Variants in ITGA11 observed in about 807,000 individuals in gnomAD.
ITGA11 encodes the protein integrin subunit alpha 11.
Under a neutral mutation model 141.9 loss-of-function variants are expected in ITGA11, and 97 were observed. That is an observed-to-expected ratio of 0.68 (90% CI 0.58 to 0.81). The LOEUF (loss-of-function observed/expected upper bound fraction) is 0.81, where lower values mean the gene tolerates loss of function less well. Ranked by LOEUF, ITGA11 falls within the 30% of genes least tolerant of loss-of-function variation. The probability of loss-of-function intolerance (pLI) is 0.00; values close to 1 mark genes in which losing one functional copy is unlikely to be tolerated. For missense variants in ITGA11, 1,387 were observed against 1,559.2 expected (o/e 0.89, Z 1.86); for synonymous variants, 658 against 624.6 (o/e 1.05, Z -0.80).
intron 1 of ITGA11, among the ~76,000 whole-genome samples, chr15:68,426,939 T>C (rs1013502299): frequency 5.1e-5 from 7 of 136,914 alleles, no homozygotes; most frequent in Non-Finnish European, 1.1e-4. Context: ...CACTTGAACC[T>C]GGGAGGTGGA....
intron 11 of ITGA11, among the ~76,000 whole-genome samples, chr15:68,338,046 A>T (rs757196389): frequency 1.3e-5 from 2 of 152,120 alleles, no homozygotes; most frequent in Non-Finnish European, 2.9e-5. Flanking sequence ...AATTAACCTC[A>T]TGGGCCCTGG....
chr15:68,352,540 CACTT>C (rs1415707548), intron 7 of ITGA11, among the ~76,000 whole-genome samples: 1 of 152,118 alleles, frequency 6.6e-6, no homozygotes, highest in African/African-American at 2.4e-5. Context: ...AGTTGAGACT[CACTT>C]TCTTTAGTAC....
chr15:68,365,745 CTTTTT>C (rs376318476), intron 3 of ITGA11, among the ~76,000 whole-genome samples: 3 of 150,392 alleles, frequency 2.0e-5, no homozygotes, highest in Non-Finnish European at 3.0e-5. Context: ...CTTTTCTTTT[CTTTTT>C]TTTGAGGCAG....
At chr15:68,359,213 C>T (rs556943337) in intron 5 of ITGA11, among the ~76,000 whole-genome samples, 1 of 152,246 alleles carries the variant, frequency 6.6e-6, no homozygotes, top group Admixed American at 6.5e-5. Flanking sequence ...CTGAACTGAT[C>T]ATGGTTTCAC....
rs751083235 is a variant in ITGA11 at position 68,365,285 on chromosome 15, G to C, written c.266-487C>G. On this transcript the variant is annotated intron_variant, in intron 3 of 29. Transcript: ENST00000315757. Reference sequence around the variant, plus strand: ...TGAACAATCAACATGTGACAGCTGAGAGTTTCCTCTCATGGGTAACAGAGC... The same window carrying C: ...TGAACAATCAACATGTGACAGCTGACAGTTTCCTCTCATGGGTAACAGAGC... The C allele has an allele frequency of 2.3e-5, 23 of 985,294 alleles. No individual in the cohort carries two copies. In the South Asian group the frequency reaches 5.6e-4, roughly 24 times the overall value. The allele number at this position is 985,294 out of a possible 1,614,324, so 61.0% of individuals were successfully genotyped here. A position where few individuals can be genotyped will look rare whatever the true frequency, so the allele number is the denominator to read the frequency against.
chr15:68,356,734 G>A (rs746137299), intron 7 of ITGA11, among the ~76,000 whole-genome samples: 6 of 152,138 alleles, frequency 3.9e-5, no homozygotes, highest in South Asian at 2.1e-4. Flanking sequence ...CTGGGACTTC[G>A]AGACTAGGTT....
At chr15:68,360,993 A>G (rs1378930000) in intron 5 of ITGA11, among the ~76,000 whole-genome samples, 1 of 152,158 alleles carries the variant, frequency 6.6e-6, no homozygotes, top group Non-Finnish European at 1.5e-5. Context: ...CTCAGAGCCA[A>G]GAAGTCTGGG....
Position 68,357,138 on chromosome 15 carries a change from A to C in ITGA11, c.749+13T>G, listed in dbSNP as rs1443856280. On this transcript the variant is annotated intron_variant, in intron 7 of 29. Coordinates refer to ENST00000315757, the MANE Select transcript of ITGA11 (RefSeq NM_001004439.2). ...GATCTAAAAAAATTTTTTTTGTTCT[A>C]CTTTTTTTTTACCGTGCAAATTCAA... 1 of 1,602,982 alleles carries C rather than the reference A, an allele frequency of 6.2e-7. No individual in the cohort carries two copies. Among genetic ancestry groups the C allele is most frequent in the Non-Finnish European group, 8.5e-7 (1 of 1,176,776 alleles).
chr15:68,356,540 TAG>T (rs1895074966), intron 7 of ITGA11, among the ~76,000 whole-genome samples: 1 of 152,228 alleles, frequency 6.6e-6, no homozygotes, highest in South Asian at 2.1e-4. Flanking sequence ...CTACTTCTTA[TAG>T]AGTGTCTGTG....
intron 2 of ITGA11, among the ~76,000 whole-genome samples, chr15:68,396,445 A>G (rs1896243617): frequency 6.6e-6 from 1 of 152,104 alleles, no homozygotes; most frequent in African/African-American, 2.4e-5. Context: ...TACAATAAAT[A>G]AATGAATAAA....
At chr15:68,406,747 T>G (rs1896659193) in intron 1 of ITGA11, among the ~76,000 whole-genome samples, 2 of 152,184 alleles carry the variant, frequency 1.3e-5, no homozygotes, top group Non-Finnish European at 2.9e-5. Context: ...ACTGAACAGT[T>G]AGAGACCAGG....
intron 1 of ITGA11, among the ~76,000 whole-genome samples, chr15:68,407,285 A>G (rs1896671318): frequency 6.6e-6 from 1 of 152,188 alleles, no homozygotes; most frequent in Non-Finnish European, 1.5e-5. Context: ...GGACAGGATT[A>G]GTGAAATCTG....
chr15:68,380,920 C>T (rs760334182), intron 2 of ITGA11, among the ~76,000 whole-genome samples: 13 of 152,172 alleles, frequency 8.5e-5, no homozygotes, highest in Non-Finnish European at 1.6e-4. Context: ...TACAGACAGA[C>T]GGTTGGATGC....
Position 68,400,757 on chromosome 15 carries a change from T to TGTATTATATAATA in ITGA11, c.164+2160_164+2161insTATTATATAATAC, listed in dbSNP as rs1896471398. ...ATTATATATTATATAATAAATATTA[T>TGTATTATATAATA]AATATTATATATTATATAATAAATA... On this transcript the variant is annotated intron_variant, in intron 2 of 29. Coordinates refer to ENST00000315757, the MANE Select transcript of ITGA11 (RefSeq NM_001004439.2). 1.1e-4 allele frequency among the ~76,000 whole-genome samples: 2 copies of TGTATTATATAATA among 18,070 alleles called. 1 individual carries two copies. Among genetic ancestry groups the TGTATTATATAATA allele is most frequent in the African/African-American group, 1.0e-3 (2 of 1,934 alleles). 11.9% of individuals were successfully genotyped at this position (18,070 alleles called of 152,430 possible).
chr15:68,351,991 G>A (rs1240511048), intron 7 of ITGA11, among the ~76,000 whole-genome samples: 2 of 151,876 alleles, frequency 1.3e-5, no homozygotes, highest in Non-Finnish European at 2.9e-5. Context: ...GCTGAGGCAG[G>A]AGAATTGCTT....
intron 24 of ITGA11, 130 bp downstream of exon 24, chr15:68,312,643 G>C (rs147103346): frequency 3.1e-6 from 2 of 654,336 alleles, no homozygotes; most frequent in Non-Finnish European, 5.3e-6. Flanking sequence ...GACTAAAGTC[G>C]CACAGTGGGT....
intron 1 of ITGA11, among the ~76,000 whole-genome samples, chr15:68,429,314 G>A (rs1326123250): frequency 6.6e-6 from 1 of 152,212 alleles, no homozygotes; most frequent in Non-Finnish European, 1.5e-5. Flanking sequence ...CCCTTACGCT[G>A]TGTCTGATCT....
chr15:68,395,828 A>G (rs1390280555), intron 2 of ITGA11, among the ~76,000 whole-genome samples: 1 of 146,680 alleles, frequency 6.8e-6, no homozygotes, highest in Non-Finnish European at 1.5e-5. Flanking sequence ...CTATATATCA[A>G]AACTGCACGT....
rs1187704078 is a variant in ITGA11 at position 68,367,497 on chromosome 15, A to G, written c.265+1687T>C. Among the ~76,000 whole-genome samples, 5 of 152,106 alleles carry G rather than the reference A, an allele frequency of 3.3e-5. No individual in the cohort carries two copies. The South Asian group carries it at 6.2e-4, about 19-fold the overall frequency. ...TTCTCAAAAACTACCTGCTCAGAGA[A>G]GCCTTCCCTGATCACCTTCTATGGT... On this transcript the variant is annotated intron_variant, in intron 3 of 29. Coordinates refer to ENST00000315757, the MANE Select transcript of ITGA11 (RefSeq NM_001004439.2).
Sources: allele counts gnomAD v4.1 joint callset (sites outside exome capture counted in the v4.1 genomes callset), GRCh38; gene constraint gnomAD v4.1.1; transcripts MANE v1.5; gene names NCBI Gene and HGNC (gene_info 2026-07-23, HGNC 2026-07-21).